Variants in SGCD observed in about 807,000 individuals in gnomAD.
SGCD encodes sarcoglycan delta.
Under a neutral mutation model 36.6 loss-of-function variants are expected in SGCD, and 18 were observed. The ratio of observed to expected loss-of-function variants is 0.49; its 90% CI spans 0.34 to 0.73. SGCD has a LOEUF of 0.73. Among genes scored for constraint, SGCD ranks in the 30% least tolerant of loss-of-function variants. The pLI is 0.01. For synonymous variants in SGCD, 133 were observed against 130.6 expected (o/e 1.02, Z -0.12); for missense variants, 387 against 346.7 (o/e 1.12, Z -0.92).
intron 1 of SGCD, among the ~76,000 whole-genome samples, chr5:156,073,670 G>A (rs1471814225): frequency 2.6e-5 from 4 of 152,194 alleles, no homozygotes; most frequent in Non-Finnish European, 5.9e-5. Context: ...GATGCTTAGG[G>A]CTGTGAGAAA....
chr5:156,323,766 G>A (rs992827144), upstream of SGCD, among the ~76,000 whole-genome samples: 2 of 152,192 alleles, frequency 1.3e-5, no homozygotes, highest in Non-Finnish European at 2.9e-5. Context: ...AGGTCACCAT[G>A]TATGGAAGGA....
chr5:156,412,787 C>CTTTTTTTTTTTTTTTTTTTTTTTTTTTT (rs35464853), intron 3 of SGCD, among the ~76,000 whole-genome samples: 1 of 105,032 alleles, frequency 9.5e-6, no homozygotes, highest in Non-Finnish European at 1.9e-5. Flanking sequence ...AGGGTTGGTT[C>CTTTTTTTTTTTTTTTTTTTTTTTTTTTT]TTTTTTTTTT....
At chr5:156,254,873 T>C (rs1242088129) in intron 3 of SGCD, among the ~76,000 whole-genome samples, 1 of 152,120 alleles carries the variant, frequency 6.6e-6, no homozygotes, top group Admixed American at 6.6e-5. Flanking sequence ...ATCTCATTTT[T>C]TTTTGTAAAA....
intron 3 of SGCD, among the ~76,000 whole-genome samples, chr5:156,492,212 C>T (rs1320483920): frequency 6.6e-6 from 1 of 152,162 alleles, no homozygotes; most frequent in African/African-American, 2.4e-5. Flanking sequence ...CTAGAAACTA[C>T]ATCTGGGAAT....
intron 1 of SGCD, among the ~76,000 whole-genome samples, chr5:155,881,416 G>A (rs1013863414): frequency 1.7e-4 from 24 of 141,120 alleles, no homozygotes; most frequent in South Asian, 4.5e-4. Flanking sequence ...CTATTTGGGT[G>A]CAATGGCATT....
chr5:156,336,699 T>G (rs964528317), intron 2 of SGCD, among the ~76,000 whole-genome samples: 6 of 152,226 alleles, frequency 3.9e-5, no homozygotes, highest in African/African-American at 1.4e-4. Flanking sequence ...TATTAAACAT[T>G]TCTGTAAGGA....
the SGCD span, among the ~76,000 whole-genome samples, chr5:155,824,139 G>C: frequency 6.6e-6 from 1 of 152,174 alleles, no homozygotes; most frequent in Non-Finnish European, 1.5e-5. Flanking sequence ...CCATCTTGAA[G>C]AAACGATATG....
chr5:156,351,500 C>T (rs368900556), intron 3 of SGCD, among the ~76,000 whole-genome samples: 41 of 152,032 alleles, frequency 2.7e-4, no homozygotes, highest in African/African-American at 7.5e-4. Context: ...AATGACAATA[C>T]CTACCTCCTA....
chr5:155,826,212 ATG>A, the SGCD span, among the ~76,000 whole-genome samples: 1 of 152,178 alleles, frequency 6.6e-6, no homozygotes, highest in East Asian at 1.9e-4. Flanking sequence ...TGTCTGTCAC[ATG>A]TGTTTCTCAT....
chr5:156,362,192 A>G (rs919894233), intron 3 of SGCD, among the ~76,000 whole-genome samples: 2 of 152,182 alleles, frequency 1.3e-5, no homozygotes, highest in Admixed American at 1.3e-4. Flanking sequence ...ACACTGCACT[A>G]TGTCATTCAT....
intron 3 of SGCD, among the ~76,000 whole-genome samples, chr5:156,158,381 G>T (rs560802016): frequency 6.6e-6 from 1 of 151,718 alleles, no homozygotes; most frequent in South Asian, 2.1e-4. Flanking sequence ...CATTTTACCG[G>T]TTAAGAAACT....
At chr5:156,431,672 A>AT (rs1405300070) in intron 3 of SGCD, among the ~76,000 whole-genome samples, 1 of 152,126 alleles carries the variant, frequency 6.6e-6, no homozygotes, top group African/African-American at 2.4e-5. Context: ...TCCCTTAGGA[A>AT]TGGGGCTTCC....
Position 155,884,780 on chromosome 5 carries a change from A to G in SGCD, c.-282+14356A>G, listed in dbSNP as rs1368384531. On this transcript the variant is annotated intron_variant, in intron 1 of 9. Transcript: ENST00000517913. ...CTCTGTGAACCTCAGTTCTTAATCTATAAAAATGGGAATAGTAATAGCATG... is the reference window on the plus strand; with the variant it reads ...CTCTGTGAACCTCAGTTCTTAATCTGTAAAAATGGGAATAGTAATAGCATG... 3.7e-5 allele frequency among the ~76,000 whole-genome samples: 2 copies of G among 53,612 alleles called. 1 individual carries two copies. Among genetic ancestry groups the G allele is most frequent in the Non-Finnish European group, 6.1e-5 (2 of 32,682 alleles). 35.2% of individuals were successfully genotyped at this position (53,612 alleles called of 152,430 possible). A position where few individuals can be genotyped will look rare whatever the true frequency, so the allele number is the denominator to read the frequency against.
At chr5:156,408,862 T>G (rs1265588152) in intron 3 of SGCD, among the ~76,000 whole-genome samples, 1 of 152,192 alleles carries the variant, frequency 6.6e-6, no homozygotes, top group East Asian at 1.9e-4. Flanking sequence ...TCCTGGTGAC[T>G]TTAGGCAAGT....
At chr5:155,813,752 AT>A in the SGCD span, among the ~76,000 whole-genome samples, 1 of 152,156 alleles carries the variant, frequency 6.6e-6, no homozygotes, top group Non-Finnish European at 1.5e-5. Context: ...AGAGGGGTCC[AT>A]TTGTCTGGTA....
intron 3 of SGCD, among the ~76,000 whole-genome samples, chr5:156,483,055 A>G (rs1755509155): frequency 6.6e-6 from 1 of 152,062 alleles, no homozygotes; most frequent in Non-Finnish European, 1.5e-5. Context: ...TTCTTGCCTC[A>G]TCTAGGCCTC....
intron 1 of SGCD, among the ~76,000 whole-genome samples, chr5:155,903,022 T>G (rs1258641473): frequency 6.6e-6 from 1 of 152,246 alleles, no homozygotes; most frequent in Non-Finnish European, 1.5e-5. Flanking sequence ...ATTATTTATG[T>G]ACTTGAACCA....
At chr5:156,119,285 A>G (rs1451599774) in intron 2 of SGCD, among the ~76,000 whole-genome samples, 2 of 152,162 alleles carry the variant, frequency 1.3e-5, no homozygotes, top group Non-Finnish European at 2.9e-5. Context: ...GAAAGAAGCA[A>G]TGGTGATTTT....
chr5:156,382,300 A>G (rs1771027307), intron 3 of SGCD, among the ~76,000 whole-genome samples: 1 of 152,174 alleles, frequency 6.6e-6, no homozygotes, highest in Admixed American at 6.5e-5. Context: ...CAGCGAGAAT[A>G]TGTGAAATTG....
Sources: gnomAD v4.1 joint callset for allele counts (sites outside exome capture counted in the v4.1 genomes callset) on GRCh38, gnomAD v4.1.1 for gene constraint, MANE v1.5 for transcripts, NCBI Gene and HGNC (gene_info 2026-07-23, HGNC 2026-07-21) for gene names.